Variants in GALNT2 observed in about 807,000 individuals in gnomAD.
The protein encoded by GALNT2 is polypeptide N-acetylgalactosaminyltransferase 2.
In GALNT2, 31 loss-of-function variants were observed where a neutral mutation model predicts 81.4. The ratio of observed to expected loss-of-function variants is 0.38; its 90% CI spans 0.29 to 0.51. GALNT2 has a LOEUF of 0.51. Among genes scored for constraint, GALNT2 ranks in the 20% least tolerant of loss-of-function variants. The pLI is 0.87. For synonymous variants in GALNT2, 303 were observed against 287.4 expected, an observed-to-expected ratio of 1.05 and a Z score of -0.55; for missense variants, 629 against 765.7, an observed-to-expected ratio of 0.82 and a Z score of 2.11.
At position 230,220,334 on chromosome 1, in the gene GALNT2, G is replaced by A. The variant is rs555850693; in HGVS notation, c.375-15680G>A. ...ATTAGGAATTATGGACCCTCGCTAG[G>A]TAAATAAAGAAGAATACCATTGATT... On this transcript the variant is annotated intron_variant, in intron 3 of 15. Coordinates refer to ENST00000366672, the MANE Select transcript of GALNT2 (RefSeq NM_004481.5). Among the ~76,000 whole-genome samples the A allele has an allele frequency of 3.3e-5, 5 of 151,804 alleles. No homozygotes were observed. The East Asian group carries it at 9.7e-4, about 30-fold the overall frequency.
intron 1 of GALNT2, among the ~76,000 whole-genome samples, chr1:230,095,468 A>T (rs74445827): frequency 0.018 from 2,715 of 152,306 alleles, 42 homozygotes; most frequent in Non-Finnish European, 0.03. Flanking sequence ...CGGGCTCCTC[A>T]GCCAGGCCTG....
intron 1 of GALNT2, among the ~76,000 whole-genome samples, chr1:230,086,595 G>A (rs1659906027): frequency 6.6e-6 from 1 of 152,146 alleles, no homozygotes; most frequent in Non-Finnish European, 1.5e-5. Flanking sequence ...TCCCCCGTGT[G>A]TTAAGGGAAT....
At chr1:230,121,967 T>TC (rs1553258268) in intron 1 of GALNT2, among the ~76,000 whole-genome samples, 32 of 126,370 alleles carry the variant, frequency 2.5e-4, no homozygotes, top group African/African-American at 4.1e-4. Flanking sequence ...TTTTTTTTTT[T>TC]CAAGGGACAG....
chr1:230,086,196 T>C (rs1215371163), intron 1 of GALNT2, among the ~76,000 whole-genome samples: 1 of 152,024 alleles, frequency 6.6e-6, no homozygotes, highest in Non-Finnish European at 1.5e-5. Context: ...AGTTTGTAGG[T>C]AGAGAATAAT....
At chr1:230,080,985 C>G (rs915331379) in intron 1 of GALNT2, among the ~76,000 whole-genome samples, 2 of 152,208 alleles carry the variant, frequency 1.3e-5, no homozygotes, top group Non-Finnish European at 2.9e-5. Flanking sequence ...TCACATGTGA[C>G]ACGTCGCAGG....
chr1:230,079,889 A>C (rs1324640680), intron 1 of GALNT2, among the ~76,000 whole-genome samples: 5 of 152,192 alleles, frequency 3.3e-5, no homozygotes, highest in Non-Finnish European at 7.4e-5. Flanking sequence ...CTCCATCTGC[A>C]CTTCAGTAAC....
At chr1:230,209,775 T>G (rs1664176830) in intron 3 of GALNT2, among the ~76,000 whole-genome samples, 2 of 151,620 alleles carry the variant, frequency 1.3e-5, no homozygotes, top group Non-Finnish European at 2.9e-5. Context: ...CCTAGGAGGC[T>G]GAGCCTGCAC....
intron 14 of GALNT2, among the ~76,000 whole-genome samples, chr1:230,267,661 T>A (rs1159629829): frequency 6.6e-6 from 1 of 152,148 alleles, no homozygotes; most frequent in Non-Finnish European, 1.5e-5. Context: ...CCCACCCGTG[T>A]CAGGAGTCAC....
intron 1 of GALNT2, among the ~76,000 whole-genome samples, chr1:230,074,418 A>G (rs575745835): frequency 1.3e-5 from 2 of 152,244 alleles, no homozygotes; most frequent in South Asian, 2.1e-4. Context: ...TCTGCATTGT[A>G]TGATGTGTAG....
At chr1:230,159,099 C>T (rs182127728) in intron 1 of GALNT2, among the ~76,000 whole-genome samples, 6 of 152,310 alleles carry the variant, frequency 3.9e-5, no homozygotes, top group East Asian at 3.9e-4. Context: ...TTCAAAAAAG[C>T]GTACACTTTA....
intron 15 of GALNT2, 30 bp downstream of exon 15, chr1:230,274,594 G>A (rs757244665): frequency 2.9e-5 from 47 of 1,612,508 alleles, no homozygotes; most frequent in Middle Eastern, 1.8e-4. Context: ...GTGGGTGCCC[G>A]TGATTAACCC....
intron 14 of GALNT2, among the ~76,000 whole-genome samples, chr1:230,273,885 A>T (rs926926479): frequency 6.6e-5 from 10 of 152,240 alleles, no homozygotes; most frequent in African/African-American, 2.4e-4. Flanking sequence ...TCCAGTTTTC[A>T]GAGGGCTTCA....
At chr1:230,235,799 G>C (rs1665008734) in intron 3 of GALNT2, among the ~76,000 whole-genome samples, 2 of 151,996 alleles carry the variant, frequency 1.3e-5, no homozygotes, top group South Asian at 2.1e-4. Flanking sequence ...TGCCGAAATC[G>C]TTCATCTCTC....
At chr1:230,163,537 A>G (rs752008150) in intron 1 of GALNT2, among the ~76,000 whole-genome samples, 1 of 152,214 alleles carries the variant, frequency 6.6e-6, no homozygotes, top group Non-Finnish European at 1.5e-5. Flanking sequence ...TGCTAGCATC[A>G]TCATGTATGT....
chr1:230,063,038 C>T (rs149965967), upstream of GALNT2, among the ~76,000 whole-genome samples: 1,893 of 152,076 alleles, frequency 0.012, 20 homozygotes, highest in Non-Finnish European at 0.021. Context: ...ATAGGCTGGG[C>T]GCGGTGGCTC....
intron 1 of GALNT2, among the ~76,000 whole-genome samples, chr1:230,111,282 C>G (rs1287413971): frequency 6.6e-6 from 1 of 152,342 alleles, no homozygotes; most frequent in Middle Eastern, 3.4e-3. Context: ...GCAATGTGTA[C>G]TTACATGCAA....
intron 1 of GALNT2, among the ~76,000 whole-genome samples, chr1:230,172,340 G>A (rs1662820515): frequency 6.6e-6 from 1 of 152,196 alleles, no homozygotes; most frequent in African/African-American, 2.4e-5. Context: ...ACCCATCTTG[G>A]AAGCAGACCC....
chr1:230,082,757 C>G (rs1397891059), intron 1 of GALNT2, among the ~76,000 whole-genome samples: 1 of 152,180 alleles, frequency 6.6e-6, no homozygotes, highest in Admixed American at 6.5e-5. Context: ...GATGATAGAG[C>G]AGGGGATCCA....
chr1:230,204,133 G>A (rs1250498116), intron 3 of GALNT2, among the ~76,000 whole-genome samples: 1 of 148,990 alleles, frequency 6.7e-6, no homozygotes, highest in African/African-American at 2.5e-5. Context: ...ATGAACCACT[G>A]CTCTCCTGAC....
Sources: allele counts gnomAD v4.1 joint callset (sites outside exome capture counted in the v4.1 genomes callset), GRCh38; gene constraint gnomAD v4.1.1; transcripts MANE v1.5; gene names NCBI Gene and HGNC (gene_info 2026-07-23, HGNC 2026-07-21).